Variants in EYA4 observed in about 807,000 individuals in gnomAD.
The protein encoded by EYA4 is protein phosphatase EYA4.
EYA4 carries 31 observed loss-of-function variants against 87.9 expected under a neutral mutation model. That is an observed-to-expected ratio of 0.35 (90% CI 0.27 to 0.48). The LOEUF (loss-of-function observed/expected upper bound fraction) is 0.48. EYA4 is among the 20% of genes least tolerant of loss of function. EYA4 has a pLI of 0.99. For missense variants in EYA4, 678 were observed against 761.4 expected (o/e 0.89, Z 1.29); for synonymous variants, 263 against 270.6 (o/e 0.97, Z 0.28).
chr6:133,332,760 C>T (rs2128387821), intron 2 of EYA4, among the ~76,000 whole-genome samples: 1 of 127,036 alleles, frequency 7.9e-6, no homozygotes, highest in African/African-American at 3.0e-5. Flanking sequence ...GACGGGGTTT[C>T]ACCATGTTGG....
intron 2 of EYA4, among the ~76,000 whole-genome samples, chr6:133,376,605 C>A (rs1209893648): frequency 1.3e-5 from 2 of 151,812 alleles, no homozygotes; most frequent in Non-Finnish European, 2.9e-5. Flanking sequence ...ATAAAAGAAC[C>A]TTGCTCTTAT....
intron 2 of EYA4, among the ~76,000 whole-genome samples, chr6:133,321,507 T>G (rs1441928262): frequency 6.6e-6 from 1 of 152,188 alleles, no homozygotes; most frequent in Non-Finnish European, 1.5e-5. Flanking sequence ...TGCCAGTTGT[T>G]GTTTGCAGAA....
chr6:133,316,589 T>C (rs1205265989), intron 2 of EYA4, among the ~76,000 whole-genome samples: 2 of 152,206 alleles, frequency 1.3e-5, no homozygotes, highest in African/African-American at 2.4e-5. Context: ...CGTTTTCTTC[T>C]TTAGTTACTT....
intron 13 of EYA4, among the ~76,000 whole-genome samples, chr6:133,485,740 A>C (rs1211838597): frequency 1.3e-5 from 2 of 152,232 alleles, no homozygotes; most frequent in African/African-American, 2.4e-5. Context: ...ATCAAGAGGT[A>C]AAACTTAAGA....
At chr6:133,528,214 CT>C (rs912977465) in intron 19 of EYA4, among the ~76,000 whole-genome samples, 2 of 151,966 alleles carry the variant, frequency 1.3e-5, no homozygotes, top group African/African-American at 4.8e-5. Context: ...TAATCCCCAC[CT>C]TTTTTTTCTA....
chr6:133,259,722 TA>T, intron 1 of EYA4, among the ~76,000 whole-genome samples: 1 of 152,228 alleles, frequency 6.6e-6, no homozygotes, highest in East Asian at 1.9e-4. Flanking sequence ...GAATCAGATT[TA>T]TTGCCATATT....
chr6:133,346,503 A>G (rs1257030727), intron 2 of EYA4, among the ~76,000 whole-genome samples: 1 of 152,214 alleles, frequency 6.6e-6, no homozygotes, highest in African/African-American at 2.4e-5. Flanking sequence ...AAATCTTATC[A>G]TTAGCAACCT....
chr6:133,305,690 C>T (rs1779751048), intron 2 of EYA4, among the ~76,000 whole-genome samples: 1 of 152,096 alleles, frequency 6.6e-6, no homozygotes. Context: ...CATGTTTTCT[C>T]CTAATCTTCT....
chr6:133,490,338 T>C (rs540514257), intron 13 of EYA4, among the ~76,000 whole-genome samples: 1 of 150,592 alleles, frequency 6.6e-6, no homozygotes, highest in African/African-American at 2.5e-5. Flanking sequence ...TGAATGTAAA[T>C]GGACTAAACT....
At chr6:133,286,184 C>T (rs571264060) in intron 2 of EYA4, among the ~76,000 whole-genome samples, 1 of 152,030 alleles carries the variant, frequency 6.6e-6, no homozygotes, top group Admixed American at 6.6e-5. Context: ...AATGGGGATC[C>T]CCAGTTATGA....
At chr6:133,244,322 A>G (rs1774228248) in intron 1 of EYA4, among the ~76,000 whole-genome samples, 1 of 152,106 alleles carries the variant, frequency 6.6e-6, no homozygotes, top group South Asian at 2.1e-4. Context: ...TTGAAATTGA[A>G]TTTCTCATTT....
At chr6:133,436,017 G>T (rs747133679) in intron 3 of EYA4, among the ~76,000 whole-genome samples, 1 of 152,000 alleles carries the variant, frequency 6.6e-6, no homozygotes, top group Non-Finnish European at 1.5e-5. Context: ...TCAGGAGTTC[G>T]AGACCAGCCT....
At chr6:133,327,047 G>A (rs776631163) in intron 2 of EYA4, among the ~76,000 whole-genome samples, 1 of 152,040 alleles carries the variant, frequency 6.6e-6, no homozygotes, top group Non-Finnish European at 1.5e-5. Flanking sequence ...CAGTGGAGTG[G>A]TATATAATTT....
At chr6:133,325,240 A>G (rs939309100) in intron 2 of EYA4, 1 of 152,198 alleles carries the variant, frequency 6.6e-6, no homozygotes, top group Non-Finnish European at 1.5e-5. Context: ...TGGCACATTT[A>G]TAGGATGCCA....
At chr6:133,455,508 G>A (rs1160420050) in intron 5 of EYA4, among the ~76,000 whole-genome samples, 1 of 152,108 alleles carries the variant, frequency 6.6e-6, no homozygotes, top group Non-Finnish European at 1.5e-5. Flanking sequence ...TTACCGCATG[G>A]TTTTCTATCA....
intron 1 of EYA4, among the ~76,000 whole-genome samples, chr6:133,267,594 G>T (rs1006159783): frequency 1.3e-5 from 2 of 152,110 alleles, no homozygotes; most frequent in African/African-American, 4.8e-5. Context: ...TGTTGGTCAG[G>T]CTGGTCTCGA....
intron 1 of EYA4, among the ~76,000 whole-genome samples, chr6:133,255,573 TTGTTATACTTAGA>T (rs1417287435): frequency 6.6e-6 from 1 of 152,154 alleles, no homozygotes; most frequent in African/African-American, 2.4e-5. Flanking sequence ...TCAGGATAAG[TTGTTATACTTAGA>T]TGTGCATCTT....
chr6:133,326,764 G>A (rs1476568175), intron 2 of EYA4, among the ~76,000 whole-genome samples: 1 of 152,198 alleles, frequency 6.6e-6, no homozygotes, highest in Non-Finnish European at 1.5e-5. Flanking sequence ...CGTGACTGAA[G>A]TGCTGCTCTT....
intron 1 of EYA4, among the ~76,000 whole-genome samples, chr6:133,265,941 T>C (rs765149911): frequency 7.2e-5 from 11 of 152,230 alleles, no homozygotes; most frequent in Admixed American, 1.3e-4. Context: ...TGGAAAATTA[T>C]CACTTCTTTC....
Sources: allele counts gnomAD v4.1 joint callset (sites outside exome capture counted in the v4.1 genomes callset), GRCh38; gene constraint gnomAD v4.1.1; transcripts MANE v1.5; gene names NCBI Gene and HGNC (gene_info 2026-07-23, HGNC 2026-07-21).